PIEZO2: variants seen among roughly 807,000 people sequenced by gnomAD.
PIEZO2 encodes the protein piezo-type mechanosensitive ion channel component 2.
A neutral mutation model predicts 337.3 loss-of-function variants in PIEZO2; 172 were observed. The observed-to-expected ratio is 0.51, with a 90% CI of 0.45 to 0.58. The LOEUF is 0.58. Ranked by LOEUF, PIEZO2 falls within the 20% of genes least tolerant of loss-of-function variation. The probability of loss-of-function intolerance (pLI) is 0.00; values close to 1 mark genes in which losing one functional copy is unlikely to be tolerated. For missense variants in PIEZO2, 3,028 were observed against 3,391.3 expected, an observed-to-expected ratio of 0.89 and a Z score of 2.66; for synonymous variants, 1,251 against 1,228.5, an observed-to-expected ratio of 1.02 and a Z score of -0.38.
intron 2 of PIEZO2, among the ~76,000 whole-genome samples, chr18:10,995,883 G>C (rs1458993798): frequency 1.3e-5 from 2 of 152,032 alleles, no homozygotes; most frequent in Non-Finnish European, 2.9e-5. Context: ...CATGAATCTA[G>C]GGCTGAGAAG....
intron 1 of PIEZO2, among the ~76,000 whole-genome samples, chr18:11,123,854 G>C (rs2040103834): frequency 6.6e-6 from 1 of 151,766 alleles, no homozygotes; most frequent in Non-Finnish European, 1.5e-5. Context: ...TCTATACATT[G>C]CAGAGAGCTG....
At chr18:10,804,100 A>T in intron 8 of PIEZO2, 106 bp from the exon 9 acceptor site, 1 of 1,314,676 alleles carries the variant, frequency 7.6e-7, no homozygotes, top group Non-Finnish European at 1.0e-6. Context: ...ATGACTTTTC[A>T]AAGTGAATGT....
At chr18:10,879,658 G>A (rs1421598964) in intron 4 of PIEZO2, among the ~76,000 whole-genome samples, 1 of 152,100 alleles carries the variant, frequency 6.6e-6, no homozygotes, top group Non-Finnish European at 1.5e-5. Flanking sequence ...GCCTCCCAAA[G>A]TGCTGGGATT....
intron 47 of PIEZO2, 95 bp downstream of exon 47, chr18:10,695,979 G>A: frequency 1.6e-6 from 2 of 1,230,604 alleles, no homozygotes; most frequent in Non-Finnish European, 2.4e-6. Flanking sequence ...TCTGCCTGTG[G>A]CCAGCAGTTC....
Position 10,691,768 on chromosome 18 carries a change from A to AACAC in PIEZO2, c.7191-389_7191-386dup, listed in dbSNP as rs1339141004. ...ATATGATATATTAAAAATATATATA[A>AACAC]ACACACACACACACATATATATATA... is the stretch of plus-strand genomic sequence containing the variant. On this transcript the variant is annotated intron_variant, in intron 47 of 55. Coordinates refer to ENST00000674853, the MANE Select transcript of PIEZO2 (RefSeq NM_001378183.1). 4.1e-4 allele frequency among the ~76,000 whole-genome samples: 31 copies of AACAC among 75,394 alleles called. 2 individuals carry two copies. Among genetic ancestry groups the AACAC allele is most frequent in the Admixed American group, 1.9e-3 (12 of 6,440 alleles). 49.5% of individuals were successfully genotyped at this position (75,394 alleles called of 152,430 possible). A position where few individuals can be genotyped will look rare whatever the true frequency, so the allele number is the denominator to read the frequency against.
In PIEZO2 at chr18:10,699,000, C is replaced by G. The variant is rs2035219092; in HGVS notation, c.6619G>C (p.Val2207Leu). Residue 2207 changes from valine to leucine, a missense_variant, in exon 44 of 56, where the codon GTC becomes CTC. Physicochemically the swap from Val to Leu is conservative, Grantham distance 32. This residue lies in a region of PIEZO2 where 1,925 missense variants were observed against 2,051.9 expected (regional missense o/e 0.94). Transcript: ENST00000674853. The part of the protein sequence containing the change: ...HVTFPEQQTA[V>L]RRKRSGSSSE... ...CTGCTGCCGGAGCGCTTCCTCCGGACAGCTGTCTGCTGCTCCGGGAAGGTC... is the reference window on the plus strand; with the variant it reads ...CTGCTGCCGGAGCGCTTCCTCCGGAGAGCTGTCTGCTGCTCCGGGAAGGTC... 6.5e-7 allele frequency: 1 copy of G among 1,536,928 alleles called. No homozygotes were observed. Among genetic ancestry groups the G allele is most frequent in the South Asian group, 1.2e-5 (1 of 84,072 alleles).
In PIEZO2 at chr18:11,005,748, C is replaced by T. The variant is rs187631581; in HGVS notation, c.161-26088G>A. Among the ~76,000 whole-genome samples the T allele has an allele frequency of 2.3e-3, 349 of 152,326 alleles. 1 individual carries two copies. Among genetic ancestry groups the T allele is most frequent in the Middle Eastern group, 0.014 (4 of 294 alleles). On this transcript the variant is annotated intron_variant, in intron 2 of 55. Transcript: ENST00000674853. ...CACACCAGGTTACTATGACTAACTG[C>T]CTTGTGACCTGCTGTGTTTATTCTC...
In PIEZO2 at chr18:10,979,454, G is replaced by T; in HGVS notation, c.286+81C>A. 7.9e-7 allele frequency: 1 copy of T among 1,268,772 alleles called. No individual in the cohort carries two copies. Among genetic ancestry groups the T allele is most frequent in the East Asian group, 2.7e-5 (1 of 37,366 alleles). 78.6% of individuals were successfully genotyped at this position (1,268,772 alleles called of 1,614,324 possible). On this transcript the variant is annotated intron_variant, in intron 3 of 55. Coordinates refer to ENST00000674853, the MANE Select transcript of PIEZO2 (RefSeq NM_001378183.1). This position sits in a 1 kb window ranked among gnomAD's most constrained non-coding sequence, Gnocchi z 4.0. ...TTAATTATTGCATAGATTTCTATGT[G>T]TGCGATGACACACAGCTTTATTATG...
rs961236842 is a variant in PIEZO2 at position 11,001,014 on chromosome 18, A to C, written c.161-21354T>G. ...GACATGAGTGTTACCTGGGCAAGAC[A>C]GCTTCCTACAGTTAAAGGCAATTAT... is the stretch of plus-strand genomic sequence containing the variant. On this transcript the variant is annotated intron_variant, in intron 2 of 55. Transcript: ENST00000674853. The surrounding 1 kb of genome is among the most constrained non-coding windows in gnomAD (Gnocchi z 5.3). Among the ~76,000 whole-genome samples the C allele has an allele frequency of 4.6e-5, 7 of 152,214 alleles. No homozygotes were observed. Among genetic ancestry groups the C allele is most frequent in the African/African-American group, 1.7e-4 (7 of 41,458 alleles).
chr18:10,696,449 C>A lies in PIEZO2; in HGVS notation c.6918G>T (p.Met2306Ile), dbSNP rs760836585. 3 of 1,614,226 alleles carry A rather than the reference C, an allele frequency of 1.9e-6. No homozygotes were observed. Among genetic ancestry groups the A allele is most frequent in the Non-Finnish European group, 2.5e-6 (3 of 1,180,040 alleles). Residue 2306 changes from methionine (M) to isoleucine (I), a missense_variant, in exon 46 of 56, where the codon ATG becomes ATT. This residue lies in a region of PIEZO2 where 1,925 missense variants were observed against 2,051.9 expected (regional missense o/e 0.94). Coordinates refer to ENST00000674853, the MANE Select transcript of PIEZO2 (RefSeq NM_001378183.1). ...YSAVTDVYVL[M>I]FLADTVDFII... Reference sequence around the variant, plus strand: ...TGAAGTCCACAGTGTCAGCCAGGAACATGAGTACATACACGTCAGTCACGG... The same window carrying A: ...TGAAGTCCACAGTGTCAGCCAGGAAAATGAGTACATACACGTCAGTCACGG...
In PIEZO2 at chr18:11,102,889, C is replaced by T. The variant is rs1289627088; in HGVS notation, c.65-36667G>A. ...AAGGCACAGCACTTTCCAGTTTTGC[C>T]ACTTGAGAGAGACTGAATCTATTTT... On this transcript the variant is annotated intron_variant, in intron 1 of 55. Transcript: ENST00000674853. This position sits in a 1 kb window ranked among gnomAD's most constrained non-coding sequence, Gnocchi z 5.7. Among the ~76,000 whole-genome samples the T allele has an allele frequency of 1.3e-5, 2 of 152,124 alleles. No individual in the cohort carries two copies. Among genetic ancestry groups the T allele is most frequent in the Non-Finnish European group, 2.9e-5 (2 of 68,024 alleles).
chr18:10,981,422 T>C (rs748525091), intron 2 of PIEZO2, among the ~76,000 whole-genome samples: 12 of 152,194 alleles, frequency 7.9e-5, no homozygotes, highest in Non-Finnish European at 1.2e-4. Flanking sequence ...TGTTTTCACT[T>C]AAGAAATCAA....
chr18:11,146,167 AAAGAAGGCAGCCCCAGGATCT>A lies in PIEZO2; in HGVS notation c.64+2337_64+2357del, dbSNP rs2040804768. ...GGGAGTCCTGAAGAATGAGCTGGAT[AAAGAAGGCAGCCCCAGGATCT>A]CCTGGGCAGACTCAGCTGTCCCCGA... On this transcript the variant is annotated intron_variant, in intron 1 of 55. Coordinates refer to ENST00000674853, the MANE Select transcript of PIEZO2 (RefSeq NM_001378183.1). The surrounding 1 kb of genome is among the most constrained non-coding windows in gnomAD (Gnocchi z 6.1). Among the ~76,000 whole-genome samples, 1 of 152,140 alleles carries A rather than the reference AAAGAAGGCAGCCCCAGGATCT, an allele frequency of 6.6e-6. No homozygotes were observed. The highest frequency in any genetic ancestry group is 1.5e-5 in the Non-Finnish European group (1 of 68,028).
intron 3 of PIEZO2, among the ~76,000 whole-genome samples, chr18:10,916,807 C>T (rs1297447182): frequency 6.6e-6 from 1 of 152,212 alleles, no homozygotes; most frequent in Admixed American, 6.5e-5. Flanking sequence ...CAAGAATGAG[C>T]GATGGCTGCC....
At chr18:11,145,520 C>A (rs2040787546) in intron 1 of PIEZO2, among the ~76,000 whole-genome samples, 1 of 152,104 alleles carries the variant, frequency 6.6e-6, no homozygotes, top group Admixed American at 6.5e-5. Context: ...AAAGGCTTAG[C>A]TTTGAAGGCT....
chr18:10,793,131 C>T (rs2039463240), intron 13 of PIEZO2, among the ~76,000 whole-genome samples: 1 of 152,040 alleles, frequency 6.6e-6, no homozygotes, highest in Admixed American at 6.6e-5. Flanking sequence ...TGGTAGTGGG[C>T]GCCTGTAGTC....
chr18:11,132,160 A>T lies in PIEZO2; in HGVS notation c.64+16365T>A, dbSNP rs188591556. Among the ~76,000 whole-genome samples the T allele has an allele frequency of 6.6e-6, 1 of 152,146 alleles. No individual in the cohort carries two copies. The highest frequency in any genetic ancestry group is 2.4e-5 in the African/African-American group (1 of 41,516). On this transcript the variant is annotated intron_variant, in intron 1 of 55. Transcript: ENST00000674853. The surrounding 1 kb of genome is among the most constrained non-coding windows in gnomAD (Gnocchi z 4.7). ...TTTGTTCTCACTGGAATAGACACTT[A>T]CTCTGTATATAGGTTTGCCTGTCCT...
intron 3 of PIEZO2, among the ~76,000 whole-genome samples, chr18:10,946,425 T>A (rs1275185527): frequency 6.6e-6 from 1 of 152,238 alleles, no homozygotes; most frequent in East Asian, 1.9e-4. Context: ...ACTGTGATTC[T>A]ACCCCCACTC....
Position 10,856,919 on chromosome 18 carries a change from TTTC to T in PIEZO2, c.703+79_703+81del, listed in dbSNP as rs2041720611. 1 of 1,284,694 alleles carries T rather than the reference TTTC, an allele frequency of 7.8e-7. No homozygotes were observed. Among genetic ancestry groups the T allele is most frequent in the Admixed American group, 2.0e-5 (1 of 49,600 alleles). The allele number at this position is 1,284,694 out of a possible 1,614,324, so 79.6% of individuals were successfully genotyped here. ...GTGGTGGAACAGACTGTTTCCTTCA[TTTC>T]TTCTTCAACCATTTCTCTCATTCAC... On this transcript the variant is annotated intron_variant, in intron 6 of 55. Coordinates refer to ENST00000674853, the MANE Select transcript of PIEZO2 (RefSeq NM_001378183.1). This position sits in a 1 kb window ranked among gnomAD's most constrained non-coding sequence, Gnocchi z 4.7.
Sources: gnomAD v4.1 joint callset for allele counts (sites outside exome capture counted in the v4.1 genomes callset) on GRCh38, gnomAD v4.1.1 for gene constraint, gnomAD v4.1.1 regional missense constraint, Gnocchi (gnomAD v3.1) non-coding constraint, MANE v1.5 for transcripts, NCBI Gene and HGNC (gene_info 2026-07-23, HGNC 2026-07-21) for gene names.